Variants in PSD4 observed in about 807,000 individuals in gnomAD.
The protein encoded by PSD4 is PH and SEC7 domain-containing protein 4.
PSD4 carries 59 observed loss-of-function variants against 112.5 expected under a neutral mutation model. The ratio of observed to expected loss-of-function variants is 0.52; its 90% CI spans 0.43 to 0.65. The LOEUF is 0.65. Ranked by LOEUF, PSD4 falls within the 30% of genes least tolerant of loss-of-function variation. The pLI is 0.00. For synonymous variants in PSD4, 533 were observed against 540.0 expected, an observed-to-expected ratio of 0.99 and a Z score of 0.18; for missense variants, 1,267 against 1,352.6, an observed-to-expected ratio of 0.94 and a Z score of 0.99.
In PSD4 at chr2:113,183,018, C is replaced by A. The variant is rs764745503; in HGVS notation, c.562C>A (p.Leu188Ile). The A allele has an allele frequency of 3.1e-6, 5 of 1,613,986 alleles. No individual in the cohort carries two copies. In the Admixed American group the frequency reaches 8.3e-5, roughly 27 times the overall value. The change falls in exon 2 of 17, where the codon CTC becomes ATC. Residue 188 changes from leucine (L) to isoleucine (I), a missense_variant. Around this residue, in one of 2 missense-constraint regions of PSD4, gnomAD observed 723 missense variants for 704.0 expected, o/e 1.03. Coordinates refer to ENST00000245796, the MANE Select transcript of PSD4 (RefSeq NM_012455.3). ...GCTCAAGGCTGGGCTGAAATGCTGT[C>A]TCCCCACGCCCCCTGTGGACCTCCC... ...EGLKAGLKCC[L>I]PTPPVDLPGD...
chr2:113,194,347 C>T (rs6542124), intron 10 of PSD4, among the ~76,000 whole-genome samples: 12,585 of 152,180 alleles, frequency 0.083, 646 homozygotes, highest in South Asian at 0.17. Context: ...CAATTTGCCC[C>T]CTCTTGGCCA....
rs1351245555 is a variant in PSD4 at position 113,205,723 on chromosome 2, T to C, written c.*4308T>C. On this transcript the variant is annotated 3_prime_UTR_variant, in exon 17 of 17. Coordinates refer to ENST00000245796, the MANE Select transcript of PSD4 (RefSeq NM_012455.3). ...AATGCACTGTACTATTTGTGTAACT[T>C]ATATGTAAATCTGAAATTATTTCAA... The C allele has an allele frequency of 1.3e-5, 2 of 152,218 alleles. No individual in the cohort carries two copies. Among genetic ancestry groups the C allele is most frequent in the Non-Finnish European group, 2.9e-5 (2 of 68,048 alleles). The allele number at this position is 152,218 out of a possible 1,614,324, so 9.4% of individuals were successfully genotyped here. A position where few individuals can be genotyped will look rare whatever the true frequency, so the allele number is the denominator to read the frequency against.
At chr2:113,187,896 A>G (rs955445451) in intron 5 of PSD4, among the ~76,000 whole-genome samples, 5 of 152,232 alleles carry the variant, frequency 3.3e-5, no homozygotes, top group Admixed American at 1.3e-4. Flanking sequence ...GAGAAGCACA[A>G]CAGAAGCTAA....
rs538463364 is a variant in PSD4, at chr2:113,183,500, C to T, written c.1044C>T (p.His348=). ...GGGCTCCTGCAGCACCTCCTGGTCA[C>T]GGGGAGAGTGAGGTAAGCCCAGTCT... is the stretch of plus-strand genomic sequence containing the variant. ...AEGAPAAPPG[H]GESEGDRLGP... is the part of the protein sequence containing the mutation. The change falls in exon 2 of 17, where the codon CAC becomes CAT. Residue 348 remains histidine (H), a synonymous_variant. Coordinates refer to ENST00000245796, the MANE Select transcript of PSD4 (RefSeq NM_012455.3). The T allele has an allele frequency of 2.7e-4, 426 of 1,576,844 alleles. 2 individuals carry two copies. In the South Asian group the frequency reaches 4.4e-3, roughly 16 times the overall value.
rs184285272 is a variant in PSD4, at chr2:113,191,009, T to G, written c.1629-1371T>G. 1.8e-4 allele frequency among the ~76,000 whole-genome samples: 28 copies of G among 152,354 alleles called. No individual in the cohort carries two copies. The East Asian group carries it at 4.6e-3, about 25-fold the overall frequency. ...CTATTTTGGGTTGGGTGAACTTTAA[T>G]TTTTGGCATGAAGAAACTTCCCTTT... On this transcript the variant is annotated intron_variant, in intron 5 of 16. Coordinates refer to ENST00000245796, the MANE Select transcript of PSD4 (RefSeq NM_012455.3).
At chr2:113,192,679 T>G in intron 6 of PSD4, 90 bp downstream of exon 6, 1 of 1,357,276 alleles carries the variant, frequency 7.4e-7, no homozygotes, top group Non-Finnish European at 1.0e-6. Flanking sequence ...ACCCTCCCCT[T>G]CCCGTCCCTG....
Position 113,197,579 on chromosome 2 carries a change from G to A in PSD4, c.2402G>A (p.Arg801His), listed in dbSNP as rs1421244258. The change falls in exon 13 of 17, where the codon CGT becomes CAT. Residue 801 changes from arginine to histidine, a missense_variant. Physicochemically the swap from Arg to His is conservative, Grantham distance 29. This residue lies in a region of PSD4 where 544 missense variants were observed against 648.6 expected (regional missense o/e 0.84). Coordinates refer to ENST00000245796, the MANE Select transcript of PSD4 (RefSeq NM_012455.3). ...ADGKKTPWGK[R>H]GWKMFHTLLR... Reference sequence around the variant, plus strand: ...CCTGGAACAGCGCCATGGGGCAAGCGTGGCTGGAAGATGTTCCACACCTTA... The same window carrying A: ...CCTGGAACAGCGCCATGGGGCAAGCATGGCTGGAAGATGTTCCACACCTTA... 9 of 1,614,112 alleles carry A rather than the reference G, an allele frequency of 5.6e-6. No individual in the cohort carries two copies. The highest frequency in any genetic ancestry group is 1.7e-5 in the Admixed American group (1 of 60,016).
At chr2:113,195,534 CGGATGGATGGATGGAT>C (rs61576963) in intron 10 of PSD4, among the ~76,000 whole-genome samples, 177 bp from the exon 11 acceptor site, 90 of 150,632 alleles carry the variant, frequency 6.0e-4, no homozygotes, top group Middle Eastern at 3.4e-3. Context: ...CTTTGTTGCA[CGGATGGATGGATGGAT>C]GGATGGATGG....
chr2:113,196,890 T>C (rs912133247), intron 12 of PSD4, among the ~76,000 whole-genome samples: 5 of 152,236 alleles, frequency 3.3e-5, no homozygotes, highest in Non-Finnish European at 4.4e-5. Context: ...CACAGGCAGC[T>C]GAAGGCTTTT....
At position 113,195,582 on chromosome 2, in the gene PSD4, T is replaced by C. The variant is rs545249789; in HGVS notation, c.2182-145T>C. 96 of 701,688 alleles carry C rather than the reference T, an allele frequency of 1.4e-4. No individual in the cohort carries two copies. The Admixed American group carries it at 2.3e-3, about 17-fold the overall frequency. The allele number at this position is 701,688 out of a possible 1,614,324, so 43.5% of individuals were successfully genotyped here. A position where few individuals can be genotyped will look rare whatever the true frequency, so the allele number is the denominator to read the frequency against. On this transcript the variant is annotated intron_variant, in intron 10 of 16. Coordinates refer to ENST00000245796, the MANE Select transcript of PSD4 (RefSeq NM_012455.3). ...ATGGATGGATGGATGGATGGATGCT[T>C]GCTTACTCAAGGAGGAAGGGCACCT...
In PSD4 at chr2:113,205,258, G is replaced by C. The variant is rs68090726; in HGVS notation, c.*3843G>C. ...ATTGGGATCACAGGCGTGAGCCAAC[G>C]TGCCTGGCCAGTGCAGTGCAATTTT... On this transcript the variant is annotated 3_prime_UTR_variant, in exon 17 of 17. Coordinates refer to ENST00000245796, the MANE Select transcript of PSD4 (RefSeq NM_012455.3). The C allele has an allele frequency of 0.26, 40,228 of 151,956 alleles. 5,819 individuals are homozygous for C. Among genetic ancestry groups the C allele is most frequent in the African/African-American group, 0.4 (16,387 of 41,442 alleles). The allele number at this position is 151,956 out of a possible 1,614,324, so 9.4% of individuals were successfully genotyped here.
chr2:113,196,375 T>C (rs4848318), intron 12 of PSD4, 68 bp downstream of exon 12: 734,885 of 1,537,966 alleles, frequency 0.48, 179,920 homozygotes, highest in East Asian at 0.64. Context: ...CCTGTGCCGA[T>C]GCATGCACAG....
chr2:113,198,952 C>T (rs909271877), intron 15 of PSD4, 68 bp downstream of exon 15: 9 of 1,533,542 alleles, frequency 5.9e-6, no homozygotes, highest in African/African-American at 4.1e-5. Context: ...CCAGGACTAA[C>T]TCGGGGAGGC....
At chr2:113,185,832 C>T in intron 4 of PSD4, 45 bp from the exon 5 acceptor site, 1 of 1,581,670 alleles carries the variant, frequency 6.3e-7, no homozygotes, top group Non-Finnish European at 8.6e-7. Context: ...AGGCCGTTCT[C>T]CTGCCTCCTG....
Position 113,186,092 on chromosome 2 carries a change from C to T in PSD4, c.1465C>T (p.Gln489Ter), listed in dbSNP as rs1444469310. The T allele has an allele frequency of 6.2e-7, 1 of 1,614,236 alleles. No homozygotes were observed. Among genetic ancestry groups the T allele is most frequent in the Non-Finnish European group, 8.5e-7 (1 of 1,180,048 alleles). Residue 489 changes from glutamine to a stop codon, truncating the protein, a stop_gained, in exon 5 of 17, where the codon CAG (glutamine) becomes TAG (stop). Transcript: ENST00000245796. LOFTEE classifies it high-confidence loss of function. Reference sequence around the variant, plus strand: ...GCCCAAGTGGACACTAGATGCTTCACAGTCTTCACTCTTGGAGACGGATGG... The same window carrying T: ...GCCCAAGTGGACACTAGATGCTTCATAGTCTTCACTCTTGGAGACGGATGG... ...ILPKWTLDAS[Q>*]SSLLETDGEQ... is the part of the protein sequence containing the mutation.
intron 7 of PSD4, 37 bp from the exon 8 acceptor site, chr2:113,193,220 TC>T: frequency 6.3e-7 from 1 of 1,588,490 alleles, no homozygotes; most frequent in Non-Finnish European, 8.6e-7. Context: ...GGCCCTAAGC[TC>T]CCGGGCTCTC....
In PSD4 at chr2:113,198,895, C is replaced by A; in HGVS notation, c.2769+11C>A. On this transcript the variant is annotated intron_variant, in intron 15 of 16. Transcript: ENST00000245796. ...GCCCAGAGCTCCCTGGTACGGCCTC[C>A]GGGAAGGGGTGGGGTCCGGCGGAAC... 4 of 1,572,774 alleles carry A rather than the reference C, an allele frequency of 2.5e-6. No homozygotes were observed. Among genetic ancestry groups the A allele is most frequent in the Non-Finnish European group, 3.4e-6 (4 of 1,166,646 alleles).
chr2:113,184,840 T>G (rs1688248244), intron 2 of PSD4, 117 bp from the exon 3 acceptor site: 1 of 1,448,408 alleles, frequency 6.9e-7, no homozygotes, highest in Admixed American at 1.9e-5. Context: ...GGCAGGGCCA[T>G]CAGGGCAGAC....
rs1351460256 is a variant in PSD4 at position 113,208,999 on chromosome 2, G to A, written c.*7584G>A. 1 of 152,228 alleles carries A rather than the reference G, an allele frequency of 6.6e-6. No homozygotes were observed. The highest frequency in any genetic ancestry group is 1.5e-5 in the Non-Finnish European group (1 of 68,042). 9.4% of individuals were successfully genotyped at this position (152,228 alleles called of 1,614,324 possible). ...CTGCAGGACACAGCCCAGAGAAACT[G>A]AGCCTGAATTTGCTGCCATGTTTTG... On this transcript the variant is annotated 3_prime_UTR_variant, in exon 17 of 17. Coordinates refer to ENST00000245796, the MANE Select transcript of PSD4 (RefSeq NM_012455.3).
Sources: gnomAD v4.1 joint callset for allele counts (sites outside exome capture counted in the v4.1 genomes callset) on GRCh38, gnomAD v4.1.1 for gene constraint, gnomAD v4.1.1 regional missense constraint, MANE v1.5 for transcripts, NCBI Gene and HGNC (gene_info 2026-07-23, HGNC 2026-07-21) for gene names.